The following CSMD1 variants were observed in gnomAD, a reference collection of about 807,000 sequenced individuals.
The protein encoded by CSMD1 is CUB and sushi domain-containing protein 1.
CSMD1 carries 213 observed loss-of-function variants against 417.5 expected under a neutral mutation model. That is an observed-to-expected ratio of 0.51 (90% CI 0.46 to 0.57). CSMD1 has a LOEUF of 0.57. CSMD1 is among the 20% of genes least tolerant of loss of function. The pLI is 0.00. For missense variants in CSMD1, 6,923 were observed against 4,529.7 expected, an observed-to-expected ratio of 1.53 and a Z score of -15.17; for synonymous variants, 2,862 against 1,736.8, an observed-to-expected ratio of 1.65 and a Z score of -16.11.
chr8:4,502,016 T>G (rs1242044800), intron 2 of CSMD1, among the ~76,000 whole-genome samples: 5 of 152,132 alleles, frequency 3.3e-5, no homozygotes, highest in African/African-American at 4.8e-5. Context: ...GGCTCTAACC[T>G]TTGCAGTCTG....
chr8:3,958,171 G>A (rs766254749), intron 5 of CSMD1, among the ~76,000 whole-genome samples: 5 of 152,114 alleles, frequency 3.3e-5, no homozygotes, highest in Non-Finnish European at 5.9e-5. Context: ...GCAAGCAAAT[G>A]AAATTATTAT....
intron 5 of CSMD1, among the ~76,000 whole-genome samples, chr8:3,778,714 C>T (rs1204381936): frequency 6.6e-6 from 1 of 152,186 alleles, no homozygotes; most frequent in Non-Finnish European, 1.5e-5. Flanking sequence ...TTCCGAGCAC[C>T]GCTTCCTTTC....
At chr8:4,737,764 G>T (rs915415038) in intron 1 of CSMD1, among the ~76,000 whole-genome samples, 2 of 152,180 alleles carry the variant, frequency 1.3e-5, no homozygotes, top group African/African-American at 4.8e-5. Context: ...AGAAAGGCCA[G>T]AGAAGACATA....
chr8:4,714,715 A>C (rs916900679), intron 1 of CSMD1, among the ~76,000 whole-genome samples: 10 of 152,302 alleles, frequency 6.6e-5, no homozygotes, highest in African/African-American at 2.4e-4. Context: ...CGAGAATACA[A>C]ATTTCCACTT....
intron 42 of CSMD1, among the ~76,000 whole-genome samples, chr8:3,111,864 T>C (rs1347751163): frequency 6.6e-6 from 1 of 152,092 alleles, no homozygotes; most frequent in Non-Finnish European, 1.5e-5. Context: ...CCATAAACCA[T>C]GCTGTCCCCA....
In CSMD1 at chr8:3,686,901, C is replaced by T. The variant is rs546015985; in HGVS notation, c.1009+21513G>A. ...TCTTATGTCGATTTCATTCTTGGGC[C>T]GTAAGAGGACAGAGTAGAGCTTTGT... On this transcript the variant is annotated intron_variant, in intron 7 of 69. Transcript: ENST00000635120. Among the ~76,000 whole-genome samples, 21 of 152,186 alleles carry T rather than the reference C, an allele frequency of 1.4e-4. No individual in the cohort carries two copies. In the South Asian group the frequency reaches 3.9e-3, roughly 29 times the overall value.
At chr8:3,930,286 T>A (rs1810050837) in intron 5 of CSMD1, among the ~76,000 whole-genome samples, 1 of 150,414 alleles carries the variant, frequency 6.6e-6, no homozygotes, top group African/African-American at 2.5e-5. Flanking sequence ...TAACTTCTCT[T>A]AGAAGCAAAC....
intron 7 of CSMD1, among the ~76,000 whole-genome samples, chr8:3,638,482 G>A (rs1218357248): frequency 6.6e-6 from 1 of 152,006 alleles, no homozygotes; most frequent in African/African-American, 2.4e-5. Context: ...GAAACCTGGA[G>A]ACGTGATGAT....
chr8:3,418,669 G>T (rs1813306180), intron 12 of CSMD1, among the ~76,000 whole-genome samples: 1 of 152,088 alleles, frequency 6.6e-6, no homozygotes, highest in Non-Finnish European at 1.5e-5. Flanking sequence ...GTTTTCCAGT[G>T]ATCCCACTGC....
intron 1 of CSMD1, among the ~76,000 whole-genome samples, chr8:4,643,046 C>T (rs1803301268): frequency 1.3e-5 from 2 of 152,142 alleles, no homozygotes; most frequent in Non-Finnish European, 2.9e-5. Flanking sequence ...AACTCTGGGG[C>T]CTGATATCAT....
At chr8:2,949,097 T>C (rs35749226) in intron 68 of CSMD1, among the ~76,000 whole-genome samples, 24,555 of 151,966 alleles carry the variant, frequency 0.16, 2,070 homozygotes, top group African/African-American at 0.22. Flanking sequence ...GTCTGGCACA[T>C]TTATTGCATT....
chr8:4,114,654 T>C (rs114294628), intron 3 of CSMD1, among the ~76,000 whole-genome samples: 133 of 152,344 alleles, frequency 8.7e-4, no homozygotes, highest in African/African-American at 2.7e-3. Flanking sequence ...TTATCTTTGC[T>C]AGATGCCATT....
intron 37 of CSMD1, among the ~76,000 whole-genome samples, chr8:3,174,993 T>C (rs1270168214): frequency 6.6e-6 from 1 of 152,206 alleles, no homozygotes; most frequent in Non-Finnish European, 1.5e-5. Context: ...TATAAATACA[T>C]GCAAGAATGA....
intron 2 of CSMD1, among the ~76,000 whole-genome samples, chr8:4,591,202 A>C (rs1799966133): frequency 6.6e-6 from 1 of 152,210 alleles, no homozygotes. Context: ...TGGCTGAGTA[A>C]AGATGAAGAT....
intron 6 of CSMD1, among the ~76,000 whole-genome samples, chr8:3,729,884 TC>T (rs1045447277): frequency 1.6e-5 from 2 of 125,198 alleles, no homozygotes; most frequent in Admixed American, 2.0e-4. Flanking sequence ...CACACTGTAC[TC>T]CCCAAATCTA....
intron 36 of CSMD1, chr8:3,183,042 G>A (rs979459739): frequency 6.6e-6 from 1 of 152,000 alleles, no homozygotes; most frequent in African/African-American, 2.4e-5. Context: ...ACAGGCATGA[G>A]CCACCGCACC....
chr8:3,480,221 G>C (rs1817659010), intron 11 of CSMD1, among the ~76,000 whole-genome samples: 1 of 152,098 alleles, frequency 6.6e-6, no homozygotes, highest in South Asian at 2.1e-4. Flanking sequence ...AATTAGCTGG[G>C]TGTGGTGGCA....
chr8:4,376,572 G>T (rs1000744307), intron 3 of CSMD1, among the ~76,000 whole-genome samples: 1 of 151,872 alleles, frequency 6.6e-6, no homozygotes, highest in Admixed American at 6.6e-5. Context: ...CCTGTTTGTT[G>T]TTGTTACAAC....
intron 3 of CSMD1, among the ~76,000 whole-genome samples, chr8:4,298,577 A>C (rs1169592148): frequency 6.6e-6 from 1 of 152,140 alleles, no homozygotes; most frequent in Non-Finnish European, 1.5e-5. Flanking sequence ...ATTTATGTAA[A>C]TTTACAAATA....
Sources: gnomAD v4.1 joint callset for allele counts (sites outside exome capture counted in the v4.1 genomes callset) on GRCh38, gnomAD v4.1.1 for gene constraint, MANE v1.5 for transcripts, NCBI Gene and HGNC (gene_info 2026-07-23, HGNC 2026-07-21) for gene names.